RPS6KA6: variants seen among roughly 807,000 people sequenced by gnomAD.
The protein encoded by RPS6KA6 is ribosomal protein S6 kinase alpha-6.
RPS6KA6 carries 27 observed loss-of-function variants against 65.4 expected under a neutral mutation model. That is an observed-to-expected ratio of 0.41 (90% CI 0.30 to 0.57). RPS6KA6 has a LOEUF of 0.57. RPS6KA6 is among the 20% of genes least tolerant of loss of function. The probability of loss-of-function intolerance (pLI) is 0.24; values close to 1 mark genes in which losing one functional copy is unlikely to be tolerated. For synonymous variants in RPS6KA6, 190 were observed against 184.2 expected, an observed-to-expected ratio of 1.03 and a Z score of -0.26; for missense variants, 486 against 555.6, an observed-to-expected ratio of 0.87 and a Z score of 1.26.
At chrX:84,084,070 G>C (rs1298943971) in intron 20 of RPS6KA6, among the ~76,000 whole-genome samples, 1 of 111,833 alleles carries the variant, frequency 8.9e-6, no homozygotes, top group South Asian at 3.7e-4. Context: ...ATGTTTTCTT[G>C]TAAATTTGTT....
At chrX:84,176,185 C>T (rs1323051167) in intron 1 of RPS6KA6, among the ~76,000 whole-genome samples, 1 of 112,225 alleles carries the variant, frequency 8.9e-6, no homozygotes, top group Non-Finnish European at 1.9e-5. Flanking sequence ...AATTTGTTTA[C>T]TCTGCTTAGC....
chrX:84,115,519 T>C (rs867893533), intron 12 of RPS6KA6, among the ~76,000 whole-genome samples: 5 of 112,003 alleles, frequency 4.5e-5, no homozygotes, highest in African/African-American at 1.3e-4. Flanking sequence ...GAATGTAAAT[T>C]AGTACAACCT....
intron 1 of RPS6KA6, among the ~76,000 whole-genome samples, chrX:84,179,322 T>TA (rs761695321): frequency 2.6e-4 from 29 of 111,454 alleles, no homozygotes; most frequent in Non-Finnish European, 5.1e-4. Flanking sequence ...ACCTCACTCC[T>TA]AAGTGTTTAC....
chrX:84,186,151 T>G, intron 1 of RPS6KA6: 3 of 507,285 alleles, frequency 5.9e-6, no homozygotes, highest in Middle Eastern at 3.2e-4. Flanking sequence ...TTGTTAAATC[T>G]CTACAATACC....
At chrX:84,165,429 T>G (rs2055904778) in intron 1 of RPS6KA6, among the ~76,000 whole-genome samples, 1 of 111,348 alleles carries the variant, frequency 9.0e-6, no homozygotes, top group Admixed American at 9.6e-5. Flanking sequence ...AACAAATTAA[T>G]TAGGGAAGAT....
intron 20 of RPS6KA6, among the ~76,000 whole-genome samples, chrX:84,073,374 A>G (rs767826205): frequency 8.9e-6 from 1 of 112,159 alleles, no homozygotes; most frequent in Non-Finnish European, 1.9e-5. Context: ...ATAAAAATCA[A>G]CACAAAATGG....
At chrX:84,087,929 T>C (rs1019929674) in intron 20 of RPS6KA6, among the ~76,000 whole-genome samples, 2 of 112,311 alleles carry the variant, frequency 1.8e-5, no homozygotes, top group African/African-American at 6.5e-5. Context: ...GATTTTTTCC[T>C]CTGCTTAATC....
At chrX:84,151,239 A>G (rs1178050971) in intron 3 of RPS6KA6, among the ~76,000 whole-genome samples, 1 of 97,780 alleles carries the variant, frequency 1.0e-5, no homozygotes, top group Admixed American at 1.2e-4. Context: ...GATATATAGG[A>G]TATATATAGA....
chrX:84,106,814 T>C, intron 14 of RPS6KA6, 96 bp downstream of exon 14: 1 of 726,083 alleles, frequency 1.4e-6, no homozygotes, highest in Non-Finnish European at 2.0e-6. Flanking sequence ...AACAAAGAAG[T>C]TAAAAATCAC....
chrX:84,157,310 T>C (rs1175454755), intron 2 of RPS6KA6, among the ~76,000 whole-genome samples: 1 of 111,795 alleles, frequency 8.9e-6, no homozygotes, highest in South Asian at 3.7e-4. Context: ...ATAACTGATT[T>C]TGAAAGTATA....
chrX:84,071,616 TAAAC>T (rs2033544563), intron 20 of RPS6KA6, among the ~76,000 whole-genome samples: 1 of 108,472 alleles, frequency 9.2e-6, no homozygotes, highest in South Asian at 4.0e-4. Flanking sequence ...AGAGAAGAAA[TAAAC>T]AAAATAGAGA....
chrX:84,126,621 A>T (rs1203048661), intron 8 of RPS6KA6, among the ~76,000 whole-genome samples: 1 of 111,882 alleles, frequency 8.9e-6, no homozygotes, highest in African/African-American at 3.2e-5. Flanking sequence ...TAATATATTC[A>T]AAAATCTGAA....
intron 9 of RPS6KA6, 60 bp downstream of exon 9, chrX:84,119,825 T>G: frequency 1.0e-6 from 1 of 968,047 alleles, no homozygotes; most frequent in Non-Finnish European, 1.4e-6. Flanking sequence ...TGAATTAAAA[T>G]AAAATTATAA....
chrX:84,077,865 T>C (rs2033694586), intron 20 of RPS6KA6, among the ~76,000 whole-genome samples: 1 of 112,044 alleles, frequency 8.9e-6, no homozygotes, highest in Non-Finnish European at 1.9e-5. Context: ...GTAGAGTTTC[T>C]ATTGAATGTA....
chrX:84,125,568 A>T (rs1439650060), intron 8 of RPS6KA6, among the ~76,000 whole-genome samples: 1 of 111,572 alleles, frequency 9.0e-6, no homozygotes, highest in Non-Finnish European at 1.9e-5. Context: ...AAATAAAGAG[A>T]AAAAGGCTGG....
intron 6 of RPS6KA6, among the ~76,000 whole-genome samples, chrX:84,139,028 C>A: frequency 8.9e-6 from 1 of 112,015 alleles, no homozygotes. Flanking sequence ...CAACAAACAT[C>A]TAATTATTAA....
chrX:84,133,967 T>A (rs2147511672), intron 8 of RPS6KA6, among the ~76,000 whole-genome samples: 1 of 112,587 alleles, frequency 8.9e-6, no homozygotes, highest in South Asian at 3.6e-4. Context: ...TACACAGGAA[T>A]TTAAAGCAAC....
At chrX:84,085,365 G>A (rs973824684) in intron 20 of RPS6KA6, among the ~76,000 whole-genome samples, 7 of 111,582 alleles carry the variant, frequency 6.3e-5, no homozygotes, top group Non-Finnish European at 9.4e-5. Flanking sequence ...TTTGAGGCAT[G>A]CTCCTTTAGT....
chrX:84,067,098 C>G (rs752432127), intron 20 of RPS6KA6, among the ~76,000 whole-genome samples: 1 of 111,712 alleles, frequency 9.0e-6, no homozygotes, highest in Non-Finnish European at 1.9e-5. Context: ...AAAATAACTC[C>G]CACACAAAAA....
Sources: gnomAD v4.1 joint callset for allele counts (sites outside exome capture counted in the v4.1 genomes callset) on GRCh38, gnomAD v4.1.1 for gene constraint, MANE v1.5 for transcripts, NCBI Gene and HGNC (gene_info 2026-07-23, HGNC 2026-07-21) for gene names.